STXBP4: variants seen among roughly 807,000 people sequenced by gnomAD.
STXBP4 encodes the protein syntaxin-binding protein 4.
Under a neutral mutation model 76.1 loss-of-function variants are expected in STXBP4, and 55 were observed. The observed-to-expected ratio is 0.72, with a 90% CI of 0.58 to 0.91. The LOEUF is 0.91. Among genes scored for constraint, STXBP4 ranks in the 40% least tolerant of loss-of-function variants. STXBP4 has a pLI of 0.00. For synonymous variants in STXBP4, 201 were observed against 220.2 expected (o/e 0.91, Z 0.77); for missense variants, 618 against 636.9 (o/e 0.97, Z 0.32).
intron 16 of STXBP4, among the ~76,000 whole-genome samples, chr17:55,137,344 C>T (rs1026768728): frequency 7.0e-6 from 1 of 143,744 alleles, no homozygotes; most frequent in Admixed American, 6.9e-5. Flanking sequence ...AAAGTTAAAC[C>T]TATTTGAGTT....
chr17:55,045,526 T>C (rs984623144), intron 11 of STXBP4, among the ~76,000 whole-genome samples: 1 of 152,142 alleles, frequency 6.6e-6, no homozygotes, highest in African/African-American at 2.4e-5. Context: ...TATTTTAATA[T>C]CAACAGTAAT....
downstream of STXBP4, among the ~76,000 whole-genome samples, chr17:55,174,923 C>G (rs545550888): frequency 3.3e-5 from 5 of 152,106 alleles, no homozygotes; most frequent in East Asian, 5.8e-4. Context: ...ACTCGGGAGG[C>G]TGAGGCAGGA....
intron 8 of STXBP4, among the ~76,000 whole-genome samples, chr17:55,029,951 A>G (rs1272464758): frequency 6.6e-6 from 1 of 152,148 alleles, no homozygotes; most frequent in Admixed American, 6.5e-5. Flanking sequence ...CTAAAGGAGG[A>G]AGAAATATGT....
the STXBP4 span, among the ~76,000 whole-genome samples, chr17:55,206,295 C>T: frequency 3.9e-5 from 6 of 151,962 alleles, no homozygotes; most frequent in African/African-American, 1.5e-4. Context: ...GTTTACATGC[C>T]CCCCAACCCC....
chr17:55,083,864 A>G lies in STXBP4; in HGVS notation c.1489+2681A>G, dbSNP rs575725808. On this transcript the variant is annotated intron_variant, in intron 16 of 17. Coordinates refer to ENST00000376352, the MANE Select transcript of STXBP4 (RefSeq NM_178509.6). ...GAAGTCACACAGCCTCGCTTTCACCATATTCTATTCATCAATGCAAATTTG... is the reference window on the plus strand; with the variant it reads ...GAAGTCACACAGCCTCGCTTTCACCGTATTCTATTCATCAATGCAAATTTG... 2.0e-5 allele frequency among the ~76,000 whole-genome samples: 3 copies of G among 152,282 alleles called. No homozygotes were observed. In the East Asian group the frequency reaches 5.8e-4, roughly 29 times the overall value.
chr17:54,969,556 A>G (rs1375298019), intron 1 of STXBP4, among the ~76,000 whole-genome samples: 1 of 152,228 alleles, frequency 6.6e-6, no homozygotes, highest in Non-Finnish European at 1.5e-5. Flanking sequence ...AATGGAAATC[A>G]GAACAGTAAA....
Position 54,990,879 on chromosome 17 carries a change from G to T in STXBP4, c.102G>T (p.Lys34Asn), listed in dbSNP as rs1193177269. ...TIAKETGLGLKVLGGINRNEG... is the reference protein window; with the variant it reads ...TIAKETGLGLNVLGGINRNEG... ...CCAAGGAAACAGGCCTTGGCCTGAA[G>T]GTACTAGGAGGAATTAACCGGAATG... The change falls in exon 4 of 18, where the codon AAG (lysine) becomes AAT (asparagine). Residue 34 changes from lysine to asparagine, a missense_variant. Physicochemically the swap from Lys to Asn is moderately conservative, Grantham distance 94. Coordinates refer to ENST00000376352, the MANE Select transcript of STXBP4 (RefSeq NM_178509.6). 5 of 1,602,796 alleles carry T rather than the reference G, an allele frequency of 3.1e-6. No individual in the cohort carries two copies. Among genetic ancestry groups the T allele is most frequent in the Non-Finnish European group, 4.3e-6 (5 of 1,176,368 alleles).
chr17:55,006,025 G>GTA (rs577128450), intron 7 of STXBP4, among the ~76,000 whole-genome samples: 11 of 151,820 alleles, frequency 7.2e-5, no homozygotes, highest in South Asian at 2.1e-4. Flanking sequence ...ATATGTGTGT[G>GTA]TATATATATA....
intron 1 of STXBP4, among the ~76,000 whole-genome samples, chr17:54,981,115 C>A (rs919133322): frequency 1.3e-5 from 2 of 151,990 alleles, no homozygotes; most frequent in African/African-American, 4.8e-5. Flanking sequence ...GAAAGTGATA[C>A]CAAATTCCTG....
chr17:55,102,584 CAT>C (rs1232123570), intron 16 of STXBP4, among the ~76,000 whole-genome samples: 1 of 152,176 alleles, frequency 6.6e-6, no homozygotes, highest in Non-Finnish European at 1.5e-5. Context: ...CTGCAGTAAA[CAT>C]ATGTGTATAT....
At chr17:55,205,004 G>A in the STXBP4 span, among the ~76,000 whole-genome samples, 2 of 152,050 alleles carry the variant, frequency 1.3e-5, no homozygotes, top group Admixed American at 6.6e-5. Flanking sequence ...ACCCTTTTTA[G>A]TAGTTCTTAG....
the STXBP4 span, among the ~76,000 whole-genome samples, chr17:55,213,014 C>T: frequency 6.6e-6 from 1 of 152,176 alleles, no homozygotes; most frequent in Non-Finnish European, 1.5e-5. Context: ...ACTCAGAAAA[C>T]TGGTTGTGTG....
chr17:55,103,659 A>G (rs1259710625), intron 16 of STXBP4, among the ~76,000 whole-genome samples: 1 of 150,038 alleles, frequency 6.7e-6, no homozygotes, highest in African/African-American at 2.4e-5. Context: ...TTTTTTTCTA[A>G]TTCTGTGAAG....
At chr17:55,087,887 T>G (rs1447678767) in intron 16 of STXBP4, among the ~76,000 whole-genome samples, 1 of 152,186 alleles carries the variant, frequency 6.6e-6, no homozygotes, top group African/African-American at 2.4e-5. Context: ...GCATGGGATA[T>G]CCTTCCATTT....
At chr17:55,111,000 G>A (rs2529499) in intron 16 of STXBP4, among the ~76,000 whole-genome samples, 36,916 of 152,042 alleles carry the variant, frequency 0.24, 4,954 homozygotes, top group South Asian at 0.32. Flanking sequence ...TAGGGTGTAA[G>A]GTAAAGAAGG....
At chr17:55,141,779 A>G (rs2080097336) in intron 17 of STXBP4, among the ~76,000 whole-genome samples, 1 of 152,214 alleles carries the variant, frequency 6.6e-6, no homozygotes, top group Non-Finnish European at 1.5e-5. Context: ...TCATTCTGCA[A>G]CTATTTTTTG....
intron 16 of STXBP4, among the ~76,000 whole-genome samples, chr17:55,131,177 C>G (rs1393875928): frequency 6.6e-6 from 1 of 152,174 alleles, no homozygotes; most frequent in Non-Finnish European, 1.5e-5. Flanking sequence ...CTCACCAATG[C>G]TTATCTTTCA....
intron 1 of STXBP4, among the ~76,000 whole-genome samples, chr17:54,984,788 A>G (rs2077603377): frequency 6.6e-6 from 1 of 152,158 alleles, no homozygotes; most frequent in Non-Finnish European, 1.5e-5. Flanking sequence ...TTAGTATGCC[A>G]TACAAATATT....
At chr17:55,072,830 A>G in intron 12 of STXBP4, 70 bp from the exon 13 acceptor site, 1 of 1,351,144 alleles carries the variant, frequency 7.4e-7, no homozygotes, top group African/African-American at 1.5e-5. Flanking sequence ...GAGCAAGGAA[A>G]ATATTTTGTA....
Sources: gnomAD v4.1 joint callset for allele counts (sites outside exome capture counted in the v4.1 genomes callset) on GRCh38, gnomAD v4.1.1 for gene constraint, MANE v1.5 for transcripts, NCBI Gene and HGNC (gene_info 2026-07-23, HGNC 2026-07-21) for gene names.